Variants in SNTG1 observed in about 807,000 individuals in gnomAD.
SNTG1 encodes the protein gamma-1-syntrophin.
SNTG1 carries 39 observed loss-of-function variants against 74.7 expected under a neutral mutation model. That is an observed-to-expected ratio of 0.52 (90% CI 0.40 to 0.68). SNTG1 has a LOEUF of 0.68. Among genes scored for constraint, SNTG1 ranks in the 30% least tolerant of loss-of-function variants. The pLI is 0.00. For synonymous variants in SNTG1, 254 were observed against 217.1 expected (o/e 1.17, Z -1.49); for missense variants, 685 against 609.5 (o/e 1.12, Z -1.30).
At chr8:50,374,747 AT>A (rs1445658670) in intron 2 of SNTG1, among the ~76,000 whole-genome samples, 1 of 152,146 alleles carries the variant, frequency 6.6e-6, no homozygotes, top group Non-Finnish European at 1.5e-5. Context: ...TGTTTTTCAT[AT>A]TTGGCTTCTA....
At chr8:49,913,858 G>T (rs1435616349) in intron 1 of SNTG1, among the ~76,000 whole-genome samples, 1 of 152,162 alleles carries the variant, frequency 6.6e-6, no homozygotes, top group Non-Finnish European at 1.5e-5. Flanking sequence ...TGTAAGCAGA[G>T]AATGTGTTTC....
At chr8:50,660,362 G>A (rs182553591) in intron 15 of SNTG1, among the ~76,000 whole-genome samples, 1,932 of 130,958 alleles carry the variant, frequency 0.015, 40 homozygotes, top group African/African-American at 0.056. Context: ...GAAAGAAAGA[G>A]AGAGAGAGAA....
intron 16 of SNTG1, chr8:50,708,490 C>A (rs967826975): frequency 6.0e-6 from 1 of 165,628 alleles, no homozygotes; most frequent in Non-Finnish European, 1.3e-5. Flanking sequence ...TGCTATTTAA[C>A]AATAGTTCTC....
chr8:50,521,580 T>C (rs2094180015), intron 9 of SNTG1, among the ~76,000 whole-genome samples: 1 of 152,142 alleles, frequency 6.6e-6, no homozygotes, highest in South Asian at 2.1e-4. Flanking sequence ...ACAATGAAGT[T>C]TGTCACATTC....
intron 12 of SNTG1, among the ~76,000 whole-genome samples, chr8:50,582,155 T>C (rs2094614261): frequency 6.6e-6 from 1 of 152,192 alleles, no homozygotes; most frequent in Non-Finnish European, 1.5e-5. Flanking sequence ...TGATTTTGTT[T>C]GTTTGATTGC....
Position 50,704,652 on chromosome 8 carries a change from C to T in SNTG1, c.1091C>T (p.Ser364Phe). ...RKQCFTVQSE[S>F]GEDLYFSVEL... ...CAGTGCTTCACCGTGCAGTCTGAGT[C>T]TGGGGAGGACCTGTACTTCTCAGTG... Residue 364 changes from serine to phenylalanine, a missense_variant, in exon 16 of 19, where the codon TCT becomes TTT. Transcript: ENST00000642720. The T allele has an allele frequency of 6.2e-7, 1 of 1,614,076 alleles. No individual in the cohort carries two copies. Among genetic ancestry groups the T allele is most frequent in the African/African-American group, 1.3e-5 (1 of 75,018 alleles).
At chr8:50,362,346 A>G (rs1262399164) in intron 2 of SNTG1, among the ~76,000 whole-genome samples, 3 of 152,210 alleles carry the variant, frequency 2.0e-5, no homozygotes, top group African/African-American at 2.4e-5. Context: ...CAGTGAAATT[A>G]TGTTCAATAA....
chr8:50,614,592 T>G (rs1163307450), intron 13 of SNTG1, among the ~76,000 whole-genome samples: 1 of 152,160 alleles, frequency 6.6e-6, no homozygotes, highest in Non-Finnish European at 1.5e-5. Context: ...AGCAATGACC[T>G]ATGTTGAAAT....
intron 1 of SNTG1, among the ~76,000 whole-genome samples, chr8:49,996,135 G>A (rs10808801): frequency 0.64 from 97,915 of 151,912 alleles, 35,549 homozygotes; most frequent in East Asian, 0.83. Flanking sequence ...TGCCATTTTA[G>A]AAAACTTTCT....
At chr8:50,789,720 T>G (rs143338891) in intron 18 of SNTG1, among the ~76,000 whole-genome samples, 1 of 152,068 alleles carries the variant, frequency 6.6e-6, no homozygotes, top group East Asian at 1.9e-4. Context: ...TCTCCTTCTT[T>G]CAATCCAATT....
At chr8:50,257,218 C>A (rs2086927951) in intron 2 of SNTG1, among the ~76,000 whole-genome samples, 1 of 152,160 alleles carries the variant, frequency 6.6e-6, no homozygotes, top group Non-Finnish European at 1.5e-5. Flanking sequence ...TTAAGAAAAG[C>A]TTTATCCAAG....
rs1391762257 is a variant in SNTG1, at chr8:50,795,225, A to T, written c.*2396A>T. On this transcript the variant is annotated 3_prime_UTR_variant, in exon 19 of 19. Transcript: ENST00000642720. The stretch of plus-strand genomic sequence containing the variant: ...ATATTTTTGATACTATTGATAAAAA[A>T]CATAAGCCGTGATTTTTATTTAACA... 6.6e-6 allele frequency: 1 copy of T among 152,022 alleles called. No individual in the cohort carries two copies. The highest frequency in any genetic ancestry group is 1.5e-5 in the Non-Finnish European group (1 of 67,958). 9.4% of individuals were successfully genotyped at this position (152,022 alleles called of 1,614,324 possible). A position where few individuals can be genotyped will look rare whatever the true frequency, so the allele number is the denominator to read the frequency against.
At chr8:50,363,698 G>C (rs962778351) in intron 2 of SNTG1, among the ~76,000 whole-genome samples, 1 of 152,076 alleles carries the variant, frequency 6.6e-6, no homozygotes, top group South Asian at 2.1e-4. Context: ...GGACTTGCAA[G>C]TTATATGCTA....
chr8:50,384,442 A>C (rs1187255563), intron 2 of SNTG1, among the ~76,000 whole-genome samples: 1 of 152,166 alleles, frequency 6.6e-6, no homozygotes, highest in African/African-American at 2.4e-5. Flanking sequence ...TTCATATCCA[A>C]AATAAATGTC....
chr8:50,759,935 C>T (rs924086788), intron 18 of SNTG1, among the ~76,000 whole-genome samples: 2 of 152,000 alleles, frequency 1.3e-5, no homozygotes, highest in Admixed American at 1.3e-4. Context: ...TTACTTTGGG[C>T]ATGTGGCCAT....
At chr8:50,103,743 C>G (rs1332172010) in intron 1 of SNTG1, among the ~76,000 whole-genome samples, 2 of 152,094 alleles carry the variant, frequency 1.3e-5, no homozygotes, top group Non-Finnish European at 2.9e-5. Flanking sequence ...CCATCAATAC[C>G]TAATTTATTG....
At chr8:50,501,190 T>C (rs1218725597) in intron 8 of SNTG1, among the ~76,000 whole-genome samples, 1 of 152,034 alleles carries the variant, frequency 6.6e-6, no homozygotes, top group African/African-American at 2.4e-5. Context: ...TGAGCCTATA[T>C]AGCGTGCTTT....
chr8:50,236,588 C>G (rs1335191437), intron 2 of SNTG1, among the ~76,000 whole-genome samples: 1 of 151,534 alleles, frequency 6.6e-6, no homozygotes, highest in African/African-American at 2.4e-5. Flanking sequence ...GTAGCTGGGA[C>G]TACAGGCGCC....
In SNTG1 at chr8:50,561,044, T is replaced by C. The variant is rs144187030; in HGVS notation, c.810+7865T>C. ...TGATTTGGTTTGTTCTGTGTCCGCA[T>C]CCAAATCTCATCACAAATTGTAATC... On this transcript the variant is annotated intron_variant, in intron 12 of 18. Transcript: ENST00000642720. Among the ~76,000 whole-genome samples the C allele has an allele frequency of 5.5e-3, 835 of 152,316 alleles. 7 individuals carry two copies. The highest frequency in any genetic ancestry group is 0.019 in the African/African-American group (776 of 41,570).
Sources: allele counts gnomAD v4.1 joint callset (sites outside exome capture counted in the v4.1 genomes callset), GRCh38; gene constraint gnomAD v4.1.1; transcripts MANE v1.5; gene names NCBI Gene and HGNC (gene_info 2026-07-23, HGNC 2026-07-21).